The following EGF variants were observed in gnomAD, a reference collection of about 807,000 sequenced individuals.
EGF encodes pro-epidermal growth factor.
In EGF, 95 loss-of-function variants were observed where a neutral mutation model predicts 143.8. That is an observed-to-expected ratio of 0.66 (90% CI 0.56 to 0.78). The LOEUF (loss-of-function observed/expected upper bound fraction) is 0.78, where lower values mean the gene tolerates loss of function less well. Ranked by LOEUF, EGF falls within the 30% of genes least tolerant of loss-of-function variation. The pLI, the probability that EGF is intolerant of heterozygous loss-of-function variation, is 0.00. For synonymous variants in EGF, 510 were observed against 510.5 expected (o/e 1.00, Z 0.01); for missense variants, 1,320 against 1,470.9 (o/e 0.90, Z 1.68).
chr4:109,972,727 C>T (rs1747856981), intron 11 of EGF, among the ~76,000 whole-genome samples: 1 of 152,190 alleles, frequency 6.6e-6, no homozygotes, highest in African/African-American at 2.4e-5. Flanking sequence ...CAAAGTGTTT[C>T]CAACCCAGCA....
chr4:109,959,401 G>C lies in EGF; in HGVS notation c.1030G>C (p.Gly344Arg), dbSNP rs981721153. 2.5e-6 allele frequency: 4 copies of C among 1,613,006 alleles called. No individual in the cohort carries two copies. Among genetic ancestry groups the C allele is most frequent in the Non-Finnish European group, 3.4e-6 (4 of 1,179,902 alleles). Residue 344 changes from glycine (G) to arginine (R), a missense_variant, in exon 6 of 24, where the codon GGA becomes CGA. Coordinates refer to ENST00000265171, the MANE Select transcript of EGF (RefSeq NM_001963.6). ...LQSHLCMCAE[G>R]YALSRDRKYC... ...GTCACACTTGTGCATGTGTGCAGAG[G>C]GATACGCCCTAAGTCGAGACCGGAA...
In EGF at chr4:109,964,441, T is replaced by C; in HGVS notation, c.1479T>C (p.Ile493=). Residue 493 remains isoleucine, a synonymous_variant, in exon 10 of 24, where the codon ATT becomes ATC. Coordinates refer to ENST00000265171, the MANE Select transcript of EGF (RefSeq NM_001963.6). ...PFLLFANSQD[I]RHMHFDGTDY... Reference sequence around the variant, plus strand: ...TGCTGTTTGCCAATTCTCAAGATATTCGACACATGCATTTTGATGGAACAG... The same window carrying C: ...TGCTGTTTGCCAATTCTCAAGATATCCGACACATGCATTTTGATGGAACAG... 6.2e-7 allele frequency: 1 copy of C among 1,613,986 alleles called. No individual in the cohort carries two copies. Among genetic ancestry groups the C allele is most frequent in the South Asian group, 1.1e-5 (1 of 91,080 alleles).
At chr4:109,979,187 A>G (rs11569005) in intron 13 of EGF, among the ~76,000 whole-genome samples, 4,216 of 152,222 alleles carry the variant, frequency 0.028, 180 homozygotes, top group African/African-American at 0.096. Flanking sequence ...GAGGCAGCTG[A>G]TAATAAATGA....
intron 7 of EGF, 65 bp from the exon 8 acceptor site, chr4:109,961,798 T>G: frequency 6.2e-7 from 1 of 1,601,750 alleles, no homozygotes; most frequent in Non-Finnish European, 8.5e-7. Context: ...TATTAGCAAC[T>G]GATTGCAATA....
chr4:109,959,584 C>G (rs1473446768), intron 6 of EGF, 147 bp downstream of exon 6: 10 of 1,196,902 alleles, frequency 8.4e-6, no homozygotes, highest in Non-Finnish European at 1.2e-5. Context: ...GTCCCCCACA[C>G]AACCCCTGAA....
intron 11 of EGF, among the ~76,000 whole-genome samples, chr4:109,971,223 C>T (rs1028415747): frequency 2.0e-5 from 3 of 152,178 alleles, no homozygotes; most frequent in Non-Finnish European, 4.4e-5. Context: ...AGATGTACCA[C>T]CGCCCCAAGC....
intron 1 of EGF, among the ~76,000 whole-genome samples, chr4:109,919,416 G>T (rs1271941347): frequency 6.6e-6 from 1 of 151,268 alleles, no homozygotes; most frequent in Non-Finnish European, 1.5e-5. Flanking sequence ...TCTGGGAAGG[G>T]ACTACTGCAC....
At chr4:109,973,208 A>G in intron 11 of EGF, among the ~76,000 whole-genome samples, 1 of 152,070 alleles carries the variant, frequency 6.6e-6, no homozygotes, top group Non-Finnish European at 1.5e-5. Context: ...ATTTAAATTC[A>G]TCCAGTTTTC....
intron 5 of EGF, among the ~76,000 whole-genome samples, chr4:109,949,522 C>T (rs750792699): frequency 1.5e-4 from 23 of 152,044 alleles, no homozygotes; most frequent in Non-Finnish European, 2.9e-4. Context: ...TGCATCATTA[C>T]TCTCTAAAGG....
chr4:109,944,405 C>G (rs1446017156), intron 4 of EGF, among the ~76,000 whole-genome samples: 1 of 152,218 alleles, frequency 6.6e-6, no homozygotes, highest in Non-Finnish European at 1.5e-5. Context: ...TGCCACTGCA[C>G]TCCAGCCTGG....
chr4:109,963,964 C>G (rs1380631047), intron 9 of EGF, among the ~76,000 whole-genome samples: 1 of 152,150 alleles, frequency 6.6e-6, no homozygotes, highest in Non-Finnish European at 1.5e-5. Flanking sequence ...AAGGGTCTTG[C>G]TATTAACTCA....
chr4:110,003,538 G>C (rs938168155), intron 21 of EGF, among the ~76,000 whole-genome samples: 1 of 152,076 alleles, frequency 6.6e-6, no homozygotes, highest in African/African-American at 2.4e-5. Flanking sequence ...ACTCTTCCTG[G>C]AACGTCCAGG....
intron 8 of EGF, among the ~76,000 whole-genome samples, chr4:109,962,700 G>A (rs1488925664): frequency 6.6e-6 from 1 of 152,132 alleles, no homozygotes; most frequent in Non-Finnish European, 1.5e-5. Flanking sequence ...AGGGTAGTGT[G>A]ACATTTTGAT....
In EGF at chr4:109,968,445, C is replaced by A. The variant is rs958143647; in HGVS notation, c.1576-526C>A. Reference sequence around the variant, plus strand: ...CCCAGCTTGTAGCCCTCATTAATTGCAAATCATTGCCCCCTTTCAGAAGCC... The same window carrying A: ...CCCAGCTTGTAGCCCTCATTAATTGAAAATCATTGCCCCCTTTCAGAAGCC... On this transcript the variant is annotated intron_variant, in intron 10 of 23. Transcript: ENST00000265171. Among the ~76,000 whole-genome samples the A allele has an allele frequency of 2.0e-5, 3 of 152,176 alleles. No homozygotes were observed. In the East Asian group the frequency reaches 5.8e-4, roughly 30 times the overall value.
rs11568868 is a variant in EGF, at chr4:109,930,220, A to G, written c.128-10726A>G. On this transcript the variant is annotated intron_variant, in intron 1 of 23. Coordinates refer to ENST00000265171, the MANE Select transcript of EGF (RefSeq NM_001963.6). ...TGGGTATTTCTTTATAGCAGTGTGA[A>G]AATGGACTAATACAGTGCTCTTTTA... is the stretch of plus-strand genomic sequence containing the variant. Among the ~76,000 whole-genome samples the G allele has an allele frequency of 8.1e-4, 123 of 152,292 alleles. No individual in the cohort carries two copies. In the East Asian group the frequency reaches 0.02, roughly 24 times the overall value.
chr4:109,992,798 G>A (rs1751169216), intron 18 of EGF, among the ~76,000 whole-genome samples: 1 of 151,900 alleles, frequency 6.6e-6, no homozygotes, highest in African/African-American at 2.4e-5. Flanking sequence ...TCCTTTGTAG[G>A]GACATGGATG....
Position 110,013,278 on chromosome 4 carries a change from C to A in EGF, c.*1823C>A, listed in dbSNP as rs11569153. 0.018 allele frequency among the ~76,000 whole-genome samples: 2,685 copies of A among 152,158 alleles called. 86 individuals are homozygous for A. Among genetic ancestry groups the A allele is most frequent in the African/African-American group, 0.062 (2,575 of 41,504 alleles). On this transcript the variant is annotated 3_prime_UTR_variant, in exon 24 of 24. Transcript: ENST00000265171. ...TAGATTAAATTTTTGTATTTTAGCA[C>A]CTTTTTCTTTTAGGGGTTCAATGAT...
In EGF at chr4:109,945,161, A is replaced by G; in HGVS notation, c.826A>G (p.Thr276Ala). 1.2e-6 allele frequency: 2 copies of G among 1,614,168 alleles called. No individual in the cohort carries two copies. The highest frequency in any genetic ancestry group is 1.7e-6 in the Non-Finnish European group (2 of 1,180,024). ...MKTIWIANKH[T>A]GKDMVRINLH... ...GACAATTTGGATAGCCAACAAACAC[A>G]CTGGAAAGGACATGGTTAGAATTAA... Residue 276 changes from threonine (T) to alanine (A), a missense_variant, in exon 5 of 24, where the codon ACT (threonine) becomes GCT (alanine). Thr to Ala is a moderately conservative substitution (Grantham distance 58). Around this residue, in one of 5 missense-constraint regions of EGF, gnomAD observed 1,186 missense variants for 1,313.7 expected, o/e 0.90. Transcript: ENST00000265171.
At chr4:109,995,008 T>C in intron 20 of EGF, 128 bp downstream of exon 20, 1 of 1,170,810 alleles carries the variant, frequency 8.5e-7, no homozygotes, top group South Asian at 1.3e-5. Flanking sequence ...AATATAAACA[T>C]ACACATATGA....
Sources: gnomAD v4.1 joint callset for allele counts (sites outside exome capture counted in the v4.1 genomes callset) on GRCh38, gnomAD v4.1.1 for gene constraint, gnomAD v4.1.1 regional missense constraint, MANE v1.5 for transcripts, NCBI Gene and HGNC (gene_info 2026-07-23, HGNC 2026-07-21) for gene names.